The following PIGL variants were observed in gnomAD, a reference collection of about 807,000 sequenced individuals.
The protein encoded by PIGL is N-acetylglucosaminyl-phosphatidylinositol de-N-acetylase.
A neutral mutation model predicts 31.1 loss-of-function variants in PIGL; 22 were observed. The observed-to-expected ratio is 0.71, with a 90% CI of 0.51 to 1.01. PIGL has a LOEUF of 1.01. Among genes scored for constraint, PIGL ranks in the 50% least tolerant of loss-of-function variants. PIGL has a pLI of 0.00. For synonymous variants in PIGL, 131 were observed against 117.4 expected (o/e 1.12, Z -0.75); for missense variants, 302 against 315.9 (o/e 0.96, Z 0.33).
At chr17:16,290,480 A>T (rs1423835359) in intron 2 of PIGL, among the ~76,000 whole-genome samples, 1 of 149,736 alleles carries the variant, frequency 6.7e-6, no homozygotes, top group Non-Finnish European at 1.5e-5. Context: ...TGCAGTCTTG[A>T]TCTCCCAGGC....
chr17:16,253,388 G>A (rs556632543), intron 2 of PIGL, among the ~76,000 whole-genome samples: 1 of 152,260 alleles, frequency 6.6e-6, no homozygotes, highest in African/African-American at 2.4e-5. Flanking sequence ...TCTAAAAGCT[G>A]TTCATGGTCA....
intron 2 of PIGL, among the ~76,000 whole-genome samples, chr17:16,273,702 G>A (rs1451946820): frequency 6.6e-6 from 1 of 151,942 alleles, no homozygotes. Flanking sequence ...AGATAAGAGG[G>A]AGGAAAAAAA....
intron 6 of PIGL, among the ~76,000 whole-genome samples, chr17:16,318,142 A>G (rs1378938847): frequency 1.3e-5 from 2 of 152,228 alleles, no homozygotes; most frequent in East Asian, 1.9e-4. Context: ...AAAAGTAAAT[A>G]ACACATGCTC....
At chr17:16,308,723 A>T (rs2093036258) in intron 3 of PIGL, among the ~76,000 whole-genome samples, 1 of 151,904 alleles carries the variant, frequency 6.6e-6, no homozygotes, top group Non-Finnish European at 1.5e-5. Context: ...AAATTTAAAA[A>T]ATTAGCCAGG....
chr17:16,315,503 C>T (rs1295641195), intron 4 of PIGL, among the ~76,000 whole-genome samples: 1 of 151,946 alleles, frequency 6.6e-6, no homozygotes, highest in Non-Finnish European at 1.5e-5. Context: ...CCCCAGGGCT[C>T]ACTCCCCAGT....
rs1341475890 is a variant in PIGL, at chr17:16,217,426, T to G, written c.200T>G (p.Leu67Arg). The change falls in exon 1 of 7, where the codon CTA becomes CGA. Residue 67 changes from leucine to arginine, a missense_variant. By Grantham distance (102) the Leu-to-Arg change is moderately radical. Coordinates refer to ENST00000225609, the MANE Select transcript of PIGL (RefSeq NM_004278.4). ...CCCACAGTGCTAGGCTTGGCCCGCC[T>G]AAGGCACTGGGTGTACCTGCTTTGC... Reference protein sequence around the residue: ...FAPTVLGLARLRHWVYLLCFS... With the variant: ...FAPTVLGLARRRHWVYLLCFS... 1 of 1,614,162 alleles carries G rather than the reference T, an allele frequency of 6.2e-7. No individual in the cohort carries two copies. Among genetic ancestry groups the G allele is most frequent in the Non-Finnish European group, 8.5e-7 (1 of 1,180,014 alleles).
At chr17:16,286,836 A>T (rs1219654635) in intron 2 of PIGL, among the ~76,000 whole-genome samples, 1 of 152,102 alleles carries the variant, frequency 6.6e-6, no homozygotes, top group Non-Finnish European at 1.5e-5. Context: ...ATAGCCACTG[A>T]CTGATGGTAC....
chr17:16,313,783 C>T (rs2093064853), intron 4 of PIGL, among the ~76,000 whole-genome samples, 169 bp downstream of exon 4: 2 of 152,212 alleles, frequency 1.3e-5, no homozygotes, highest in Admixed American at 1.3e-4. Flanking sequence ...TCACCATGTC[C>T]TCTCGCTGAG....
intron 6 of PIGL, among the ~76,000 whole-genome samples, chr17:16,318,997 T>C (rs1407678988): frequency 6.6e-6 from 1 of 151,500 alleles, no homozygotes; most frequent in Non-Finnish European, 1.5e-5. Context: ...CTCATGCCTG[T>C]AATCCCAGTA....
intron 5 of PIGL, 24 bp downstream of exon 5, chr17:16,316,736 G>A: frequency 6.2e-7 from 1 of 1,609,364 alleles, no homozygotes; most frequent in Non-Finnish European, 8.5e-7. Context: ...CTTTTGCAAA[G>A]GGCCACAAGA....
intron 6 of PIGL, among the ~76,000 whole-genome samples, chr17:16,324,884 G>A (rs2142883410): frequency 6.6e-6 from 1 of 152,196 alleles, no homozygotes; most frequent in South Asian, 2.1e-4. Context: ...AGATAGGAAC[G>A]ACAACTCACA....
chr17:16,315,704 CTTTCTTTTTTT>C (rs1309361779), intron 4 of PIGL, among the ~76,000 whole-genome samples: 2 of 75,420 alleles, frequency 2.7e-5, no homozygotes, highest in African/African-American at 1.1e-4. Context: ...TTCTTTCTTT[CTTTCTTTTTTT>C]TTTTTTTTTT....
At chr17:16,308,943 G>T (rs1397843207) in intron 3 of PIGL, among the ~76,000 whole-genome samples, 1 of 151,718 alleles carries the variant, frequency 6.6e-6, no homozygotes, top group Admixed American at 6.6e-5. Context: ...CGTGCCACCG[G>T]GCCCAGCTAA....
chr17:16,306,107 C>T (rs529777128), intron 3 of PIGL, among the ~76,000 whole-genome samples: 1 of 152,250 alleles, frequency 6.6e-6, no homozygotes, highest in African/African-American at 2.4e-5. Context: ...CGCCACCATG[C>T]CCAGCTAGTT....
chr17:16,307,442 G>A (rs1258201598), intron 3 of PIGL, among the ~76,000 whole-genome samples: 1 of 152,220 alleles, frequency 6.6e-6, no homozygotes, highest in Non-Finnish European at 1.5e-5. Flanking sequence ...TGCACGCTGG[G>A]TGGGAGAGGG....
intron 1 of PIGL, among the ~76,000 whole-genome samples, chr17:16,225,382 T>C (rs2092647478): frequency 6.7e-6 from 1 of 148,510 alleles, no homozygotes; most frequent in Admixed American, 6.7e-5. Flanking sequence ...TAAGCACGTT[T>C]CTTTTTTTTT....
chr17:16,241,950 G>C lies in PIGL; in HGVS notation c.335+7880G>C, dbSNP rs143882329. On this transcript the variant is annotated intron_variant, in intron 2 of 6. Transcript: ENST00000225609. ...ATATTTAAATCTTTCTAATATTTAAGCACTTACAATTTTTTTAGCAAATCT... is the reference window on the plus strand; with the variant it reads ...ATATTTAAATCTTTCTAATATTTAACCACTTACAATTTTTTTAGCAAATCT... Among the ~76,000 whole-genome samples the C allele has an allele frequency of 4.1e-3, 629 of 152,028 alleles. 4 individuals carry two copies. Among genetic ancestry groups the C allele is most frequent in the African/African-American group, 0.015 (615 of 41,482 alleles).
intron 2 of PIGL, among the ~76,000 whole-genome samples, chr17:16,274,254 G>T (rs899317015): frequency 6.6e-6 from 1 of 152,166 alleles, no homozygotes. Flanking sequence ...ACGTGAGAAG[G>T]TTGGAGCGTG....
chr17:16,273,486 AT>A (rs1319124038), intron 2 of PIGL, among the ~76,000 whole-genome samples: 1 of 152,214 alleles, frequency 6.6e-6, no homozygotes, highest in Non-Finnish European at 1.5e-5. Context: ...TCTGATTTTC[AT>A]TTTAGAAAGA....
Sources: allele counts gnomAD v4.1 joint callset (sites outside exome capture counted in the v4.1 genomes callset), GRCh38; gene constraint gnomAD v4.1.1; transcripts MANE v1.5; gene names NCBI Gene and HGNC (gene_info 2026-07-23, HGNC 2026-07-21).